ZNF568: variants seen among roughly 807,000 people sequenced by gnomAD.
ZNF568 encodes the protein p53 inhibitor of SCO2 activation.
ZNF568 carries 11 observed loss-of-function variants against 18.1 expected under a neutral mutation model. The observed-to-expected ratio is 0.61, with a 90% CI of 0.38 to 1.00. ZNF568 has a LOEUF of 1.00. ZNF568 is among the 50% of genes least tolerant of loss of function. The pLI is 0.01. For synonymous variants in ZNF568, 213 were observed against 246.6 expected (o/e 0.86, Z 1.28); for missense variants, 639 against 768.2 (o/e 0.83, Z 1.99).
chr19:36,961,276 CT>C (rs142769873), intron 6 of ZNF568, among the ~76,000 whole-genome samples: 68,337 of 131,676 alleles, frequency 0.52, 16,583 homozygotes, highest in East Asian at 0.7. Flanking sequence ...CCTTCTTTGT[CT>C]TTTTTTTTTT....
Position 36,950,332 on chromosome 19 carries a change from T to G in ZNF568, c.1179T>G (p.Asn393Lys). 1 of 1,613,780 alleles carries G rather than the reference T, an allele frequency of 6.2e-7. No individual in the cohort carries two copies. The highest frequency in any genetic ancestry group is 8.5e-7 in the Non-Finnish European group (1 of 1,179,820). The change falls in exon 7 of 7, where the codon AAT becomes AAG. Residue 393 changes from asparagine (N) to lysine (K), a missense_variant. By Grantham distance (94) the Asn-to-Lys change is moderately conservative. Transcript: ENST00000333987. ...SHTGEKPYKC[N>K]KCGKAFSQCS... ...CAGGGGAGAAACCCTATAAATGTAA[T>G]AAATGTGGAAAAGCTTTCTCTCAAT...
chr19:36,918,802 C>A (rs576517922), intron 2 of ZNF568, among the ~76,000 whole-genome samples: 1 of 152,134 alleles, frequency 6.6e-6, no homozygotes, highest in Non-Finnish European at 1.5e-5. Flanking sequence ...ACCCCCCTTT[C>A]CCCCGGCCTA....
chr19:36,958,996 C>T (rs755843203), intron 6 of ZNF568, among the ~76,000 whole-genome samples: 5 of 152,098 alleles, frequency 3.3e-5, no homozygotes, highest in Non-Finnish European at 5.9e-5. Flanking sequence ...TCCTCTTTTC[C>T]AATTTGGATA....
intron 1 of ZNF568, among the ~76,000 whole-genome samples, chr19:36,917,228 G>T (rs186987341): frequency 2.0e-5 from 3 of 152,200 alleles, no homozygotes; most frequent in Admixed American, 2.0e-4. Context: ...GTTCTTTCAG[G>T]GTCTCAGGCC....
chr19:36,951,055 A>G lies in ZNF568; in HGVS notation c.1902A>G (p.Arg634=). 1 of 1,576,674 alleles carries G rather than the reference A, an allele frequency of 6.3e-7. No individual in the cohort carries two copies. The highest frequency in any genetic ancestry group is 1.2e-5 in the South Asian group (1 of 83,990). ...GAGCATCCCTTTCTATACATAAGAG[A>G]GGTCATACAGGTGAGAGACACCAAG... The part of the protein sequence containing the change: ...SQRASLSIHK[R]GHTGERHQVY Residue 634 remains arginine, a synonymous_variant, in exon 7 of 7, where the codon AGA becomes AGG. Transcript: ENST00000333987.
downstream of ZNF568, among the ~76,000 whole-genome samples, chr19:36,955,201 T>A (rs2074098482): frequency 6.6e-6 from 1 of 152,196 alleles, no homozygotes; most frequent in Non-Finnish European, 1.5e-5. Flanking sequence ...AGACTTTTTT[T>A]TTTTGTCTAA....
intron 6 of ZNF568, among the ~76,000 whole-genome samples, chr19:36,942,605 AAAAAAAAAAAAAG>A (rs2073901099): frequency 6.7e-6 from 1 of 148,298 alleles, no homozygotes; most frequent in African/African-American, 2.5e-5. Context: ...TCTCAAAAAA[AAAAAAAAAAAAAG>A]AAGAATAGAG....
At chr19:36,922,545 A>G (rs116645913) in intron 2 of ZNF568, 41 bp from the exon 3 acceptor site, 4,217 of 396,220 alleles carry the variant, frequency 0.011, 48 homozygotes, top group African/African-American at 0.025. Flanking sequence ...GGAGCCAGTG[A>G]GAAGGCACCA....
chr19:36,951,941 C>T lies in ZNF568; in HGVS notation c.*853C>T. 1.0e-6 allele frequency: 1 copy of T among 982,672 alleles called. No homozygotes were observed. Among genetic ancestry groups the T allele is most frequent in the African/African-American group, 1.8e-5 (1 of 56,654 alleles). The allele number at this position is 982,672 out of a possible 1,614,324, so 60.9% of individuals were successfully genotyped here. Reference sequence around the variant, plus strand: ...CCACTGCACCTGGCCAAAAAATTAACATTCTAAAGGATTTAAATACTGGAA... The same window carrying T: ...CCACTGCACCTGGCCAAAAAATTAATATTCTAAAGGATTTAAATACTGGAA... On this transcript the variant is annotated 3_prime_UTR_variant, in exon 7 of 7. Coordinates refer to ENST00000333987, the MANE Select transcript of ZNF568 (RefSeq NM_198539.4).
At chr19:36,987,147 C>G (rs1364174230) in intron 2 of ZNF568, among the ~76,000 whole-genome samples, 1 of 152,124 alleles carries the variant, frequency 6.6e-6, no homozygotes, top group East Asian at 1.9e-4. Context: ...CCTTGAGATG[C>G]AGTGTGCAGT....
chr19:36,991,292 C>G (rs1215983455), exon 3 of ZNF568: 1 of 1,534,154 alleles, frequency 6.5e-7, no homozygotes, highest in East Asian at 2.4e-5. Context: ...GCAACCTGGT[C>G]TTACTGGGTA....
In ZNF568 at chr19:36,952,037, GC is replaced by G. The variant is rs2074067697; in HGVS notation, c.*950del. 2 of 642,384 alleles carry G rather than the reference GC, an allele frequency of 3.1e-6. No individual in the cohort carries two copies. The highest frequency in any genetic ancestry group is 3.6e-6 in the Non-Finnish European group (2 of 558,944). 39.8% of individuals were successfully genotyped at this position (642,384 alleles called of 1,614,324 possible). On this transcript the variant is annotated 3_prime_UTR_variant, in exon 7 of 7. Transcript: ENST00000333987. ...TTGTCTATGACGTTGAGGCCAAGGAGCTTTTTTTTTTTTTTTTTCAAGACAA... is the reference window on the plus strand; with the variant it reads ...TTGTCTATGACGTTGAGGCCAAGGAGTTTTTTTTTTTTTTTTTCAAGACAA...
At chr19:36,924,059 A>G (rs2073503953) in intron 3 of ZNF568, among the ~76,000 whole-genome samples, 1 of 152,182 alleles carries the variant, frequency 6.6e-6, no homozygotes, top group South Asian at 2.1e-4. Context: ...AAATGCAGGT[A>G]TTCAGGCTTT....
At chr19:36,975,136 A>C (rs986010707) in intron 7 of ZNF568, among the ~76,000 whole-genome samples, 1 of 134,660 alleles carries the variant, frequency 7.4e-6, no homozygotes. Flanking sequence ...CCGCTTATCA[A>C]TTTCTTTCTT....
At chr19:36,947,783 G>A (rs1047567644) in intron 6 of ZNF568, among the ~76,000 whole-genome samples, 2 of 152,120 alleles carry the variant, frequency 1.3e-5, no homozygotes, top group African/African-American at 2.4e-5. Context: ...ACTGCATCTG[G>A]TTTTTTAAAT....
At chr19:36,985,882 T>TA (rs2074372272) in intron 2 of ZNF568, among the ~76,000 whole-genome samples, 1 of 152,122 alleles carries the variant, frequency 6.6e-6, no homozygotes, top group African/African-American at 2.4e-5. Context: ...TAGTTAACCA[T>TA]TTTCAAGTGC....
chr19:36,997,776 A>G, downstream of ZNF568: 1 of 476,400 alleles, frequency 2.1e-6, no homozygotes, highest in South Asian at 2.3e-5. Context: ...ACTGATTTGG[A>G]AAAAAAAACT....
Position 36,950,215 on chromosome 19 carries a change from A to G in ZNF568, c.1062A>G (p.Lys354=), listed in dbSNP as rs201659530. ...SQKQNLIEHE[K]IHTGEKPYAC... ...AGCAAAATCTTATTGAGCACGAGAA[A>G]ATTCATACTGGGGAGAAACCTTATG... Residue 354 remains lysine, a synonymous_variant, in exon 7 of 7, where the codon AAA becomes AAG. Transcript: ENST00000333987. 1 of 1,613,788 alleles carries G rather than the reference A, an allele frequency of 6.2e-7. No individual in the cohort carries two copies. Among genetic ancestry groups the G allele is most frequent in the African/African-American group, 1.3e-5 (1 of 75,022 alleles).
intron 4 of ZNF568, among the ~76,000 whole-genome samples, chr19:36,933,915 TGTTTTTTTG>T (rs772185246): frequency 6.5e-4 from 20 of 30,896 alleles, no homozygotes; most frequent in African/African-American, 2.9e-3. Flanking sequence ...TTTTTTGTTT[TGTTTTTTTG>T]TTTTTTTTTT....
Sources: allele counts gnomAD v4.1 joint callset (sites outside exome capture counted in the v4.1 genomes callset), GRCh38; gene constraint gnomAD v4.1.1; transcripts MANE v1.5; gene names NCBI Gene and HGNC (gene_info 2026-07-23, HGNC 2026-07-21).